Variants in EPHA7 observed in about 807,000 individuals in gnomAD.
The protein encoded by EPHA7 is EPH receptor A7.
In EPHA7, 25 loss-of-function variants were observed where a neutral mutation model predicts 112.6. That is an observed-to-expected ratio of 0.22 (90% CI 0.16 to 0.31). The LOEUF (loss-of-function observed/expected upper bound fraction) is 0.31, where lower values mean the gene tolerates loss of function less well. Among genes scored for constraint, EPHA7 ranks in the 10% least tolerant of loss-of-function variants. The pLI, the probability that EPHA7 is intolerant of heterozygous loss-of-function variation, is 1.00. For missense variants in EPHA7, 962 were observed against 1,212.6 expected, an observed-to-expected ratio of 0.79 and a Z score of 3.07; for synonymous variants, 437 against 406.5, an observed-to-expected ratio of 1.07 and a Z score of -0.90.
rs966619486 is a variant in EPHA7 at position 93,276,164 on chromosome 6, G to T, written c.1325-3742C>A. Among the ~76,000 whole-genome samples, 3 of 152,044 alleles carry T rather than the reference G, an allele frequency of 2.0e-5. No homozygotes were observed. The South Asian group carries it at 6.2e-4, about 32-fold the overall frequency. ...TGTAAATATAATTAAGGTTACAGAC[G>T]TTAAAATAAAGAGATTATCCTGGAT... On this transcript the variant is annotated intron_variant, in intron 5 of 16. Transcript: ENST00000369303.
intron 3 of EPHA7, among the ~76,000 whole-genome samples, chr6:93,399,146 T>C (rs755131425): frequency 1.3e-5 from 2 of 152,086 alleles, no homozygotes; most frequent in Non-Finnish European, 2.9e-5. Context: ...GCAAAACTTC[T>C]GCTCCTGCAC....
At position 93,263,848 on chromosome 6, in the gene EPHA7, C is replaced by A. The variant is rs1484423232; in HGVS notation, c.1798+12G>T. 12 of 1,607,402 alleles carry A rather than the reference C, an allele frequency of 7.5e-6. No individual in the cohort carries two copies. The highest frequency in any genetic ancestry group is 9.4e-6 in the Non-Finnish European group (11 of 1,175,910). Reference sequence around the variant, plus strand: ...AGGGGTACATCATAATAAAGAAAAGCCAAACACTTACAATGAAAGTAAAGC... The same window carrying A: ...AGGGGTACATCATAATAAAGAAAAGACAAACACTTACAATGAAAGTAAAGC... On this transcript the variant is annotated intron_variant, in intron 9 of 16. Coordinates refer to ENST00000369303, the MANE Select transcript of EPHA7 (RefSeq NM_004440.4).
intron 15 of EPHA7, 102 bp downstream of exon 15, chr6:93,246,690 A>G (rs539204377): frequency 5.9e-6 from 6 of 1,012,986 alleles, no homozygotes; most frequent in Non-Finnish European, 8.7e-6. Context: ...TTTATACGTC[A>G]ACACAAAAGT....
chr6:93,264,740 C>A lies in EPHA7; in HGVS notation c.1634-38G>T, dbSNP rs149505524. 932 of 1,276,704 alleles carry A rather than the reference C, an allele frequency of 7.3e-4. 2 individuals are homozygous for A. Among genetic ancestry groups the A allele is most frequent in the East Asian group, 7.0e-3 (285 of 40,498 alleles). The allele number at this position is 1,276,704 out of a possible 1,614,324, so 79.1% of individuals were successfully genotyped here. A position where few individuals can be genotyped will look rare whatever the true frequency, so the allele number is the denominator to read the frequency against. Reference sequence around the variant, plus strand: ...GAAATAGGCTCAGAAATACTTGACACCATGCAAGAACTTGAAAGGTTAAAT... The same window carrying A: ...GAAATAGGCTCAGAAATACTTGACAACATGCAAGAACTTGAAAGGTTAAAT... On this transcript the variant is annotated intron_variant, in intron 7 of 16. Coordinates refer to ENST00000369303, the MANE Select transcript of EPHA7 (RefSeq NM_004440.4).
At chr6:93,288,825 G>T (rs1011751600) in intron 5 of EPHA7, among the ~76,000 whole-genome samples, 1 of 152,206 alleles carries the variant, frequency 6.6e-6, no homozygotes, top group Admixed American at 6.5e-5. Flanking sequence ...TCTCTTATGT[G>T]TTCTAGTGGA....
chr6:93,276,390 C>T (rs1318771390), intron 5 of EPHA7, among the ~76,000 whole-genome samples: 1 of 151,964 alleles, frequency 6.6e-6, no homozygotes. Flanking sequence ...TAATTCAGTC[C>T]TATCAGAGCA....
intron 3 of EPHA7, among the ~76,000 whole-genome samples, chr6:93,408,443 G>C (rs1670255851): frequency 6.6e-6 from 1 of 152,022 alleles, no homozygotes; most frequent in African/African-American, 2.4e-5. Flanking sequence ...CCTACAAGCA[G>C]GGATAAATCT....
chr6:93,408,802 A>T (rs1319342215), intron 3 of EPHA7, among the ~76,000 whole-genome samples: 1 of 152,136 alleles, frequency 6.6e-6, no homozygotes, highest in Non-Finnish European at 1.5e-5. Flanking sequence ...TATCCAATAC[A>T]AACACAATGT....
chr6:93,247,689 A>AT (rs926785366), intron 14 of EPHA7, among the ~76,000 whole-genome samples: 3 of 151,980 alleles, frequency 2.0e-5, no homozygotes, highest in Admixed American at 6.6e-5. Context: ...TTTTATTATT[A>AT]TTTTTTTATC....
intron 3 of EPHA7, among the ~76,000 whole-genome samples, chr6:93,359,682 G>C (rs896112035): frequency 3.9e-5 from 6 of 151,958 alleles, no homozygotes; most frequent in African/African-American, 1.2e-4. Context: ...CTTAACTTCT[G>C]TTCAAATGCT....
chr6:93,306,947 T>C (rs1486990886), intron 5 of EPHA7, among the ~76,000 whole-genome samples: 1 of 151,966 alleles, frequency 6.6e-6, no homozygotes, highest in Non-Finnish European at 1.5e-5. Flanking sequence ...TTATAATTAA[T>C]TTTAACAGAA....
At chr6:93,259,160 C>A (rs985232598) in intron 10 of EPHA7, among the ~76,000 whole-genome samples, 194 bp downstream of exon 10, 4 of 151,952 alleles carry the variant, frequency 2.6e-5, no homozygotes, top group Admixed American at 1.3e-4. Context: ...TATATGGATT[C>A]TTTGTGCCAC....
At chr6:93,394,975 T>C (rs1778096081) in intron 3 of EPHA7, among the ~76,000 whole-genome samples, 1 of 151,908 alleles carries the variant, frequency 6.6e-6, no homozygotes, top group African/African-American at 2.4e-5. Context: ...TTAATATTTT[T>C]TATGTACAGC....
At chr6:93,395,382 T>C (rs1305808647) in intron 3 of EPHA7, among the ~76,000 whole-genome samples, 1 of 151,844 alleles carries the variant, frequency 6.6e-6, no homozygotes, top group Non-Finnish European at 1.5e-5. Context: ...TTTCTGTAAC[T>C]AGGCACTGCA....
At chr6:93,245,894 C>T (rs1301342330) in intron 15 of EPHA7, among the ~76,000 whole-genome samples, 1 of 152,094 alleles carries the variant, frequency 6.6e-6, no homozygotes, top group Non-Finnish European at 1.5e-5. Flanking sequence ...TCCACAGGTG[C>T]CTAACTTACT....
intron 7 of EPHA7, among the ~76,000 whole-genome samples, chr6:93,268,583 G>A (rs1396470473): frequency 1.3e-5 from 2 of 151,734 alleles, no homozygotes; most frequent in Non-Finnish European, 2.9e-5. Context: ...TAAACCATGT[G>A]CCTGAGCAGT....
chr6:93,262,437 G>T (rs1770731087), intron 9 of EPHA7, among the ~76,000 whole-genome samples: 1 of 151,106 alleles, frequency 6.6e-6, no homozygotes, highest in African/African-American at 2.4e-5. Flanking sequence ...AGTTTTTTGA[G>T]GCTTACCCCA....
chr6:93,383,129 C>A (rs904828764), intron 3 of EPHA7, among the ~76,000 whole-genome samples: 2 of 151,950 alleles, frequency 1.3e-5, no homozygotes, highest in Non-Finnish European at 2.9e-5. Flanking sequence ...CTCATGCTAC[C>A]CAATAATTAA....
intron 5 of EPHA7, among the ~76,000 whole-genome samples, chr6:93,337,586 T>C (rs1451833554): frequency 6.6e-6 from 1 of 152,124 alleles, no homozygotes; most frequent in Admixed American, 6.6e-5. Context: ...TGTTGAAACA[T>C]ATTCAGTAGA....
Sources: gnomAD v4.1 joint callset for allele counts (sites outside exome capture counted in the v4.1 genomes callset) on GRCh38, gnomAD v4.1.1 for gene constraint, MANE v1.5 for transcripts, NCBI Gene and HGNC (gene_info 2026-07-23, HGNC 2026-07-21) for gene names.